The following VWF variants were observed in gnomAD, a reference collection of about 807,000 sequenced individuals.
VWF encodes the protein Factor VIII related antigen.
A neutral mutation model predicts 308.6 loss-of-function variants in VWF; 176 were observed. The observed-to-expected ratio is 0.57, with a 90% CI of 0.50 to 0.65. The LOEUF (loss-of-function observed/expected upper bound fraction) is 0.65. Ranked by LOEUF, VWF falls within the 30% of genes least tolerant of loss-of-function variation. The pLI, the probability that VWF is intolerant of heterozygous loss-of-function variation, is 0.00. For missense variants in VWF, 3,146 were observed against 3,648.2 expected (o/e 0.86, Z 3.55); for synonymous variants, 1,385 against 1,443.4 (o/e 0.96, Z 0.92).
chr12:6,033,827 A>G (rs777110351), intron 20 of VWF, among the ~76,000 whole-genome samples: 21 of 152,142 alleles, frequency 1.4e-4, no homozygotes, highest in Non-Finnish European at 2.4e-4. Flanking sequence ...TGGGGCTCCT[A>G]TGGGTTTGTG....
chr12:6,111,379 C>T (rs12297467), intron 3 of VWF, among the ~76,000 whole-genome samples: 5,282 of 152,206 alleles, frequency 0.035, 304 homozygotes, highest in African/African-American at 0.12. Flanking sequence ...TTCATTCATT[C>T]ATTCACTTAT....
In VWF at chr12:5,982,094, A is replaced by C. The variant is rs71581024; in HGVS notation, c.7082-103T>G. On this transcript the variant is annotated intron_variant, in intron 41 of 51. Coordinates refer to ENST00000261405, the MANE Select transcript of VWF (RefSeq NM_000552.5). Reference sequence around the variant, plus strand: ...AGGGAGCTTTAGACTCAGAAGATTAAGTCAGAAATGTGTGAGGGCCAAGCT... The same window carrying C: ...AGGGAGCTTTAGACTCAGAAGATTACGTCAGAAATGTGTGAGGGCCAAGCT... The C allele has an allele frequency of 1.6e-3, 1,774 of 1,130,986 alleles. 6 individuals are homozygous for C. Among genetic ancestry groups the C allele is most frequent in the South Asian group, 2.6e-3 (194 of 74,910 alleles). The allele number at this position is 1,130,986 out of a possible 1,614,324, so 70.1% of individuals were successfully genotyped here.
intron 5 of VWF, among the ~76,000 whole-genome samples, chr12:6,104,979 A>T (rs1945225298): frequency 6.6e-6 from 1 of 152,196 alleles, no homozygotes; most frequent in African/African-American, 2.4e-5. Context: ...CATTATGTTA[A>T]GTGAAACAAA....
intron 34 of VWF, among the ~76,000 whole-genome samples, chr12:6,002,809 T>C (rs555242737): frequency 2.6e-5 from 4 of 152,098 alleles, no homozygotes; most frequent in Middle Eastern, 3.4e-3. Context: ...GAAAACTTCT[T>C]AAAGCTTTTA....
intron 11 of VWF, 58 bp downstream of exon 11, chr12:6,065,079 G>C: frequency 6.2e-7 from 1 of 1,612,206 alleles, no homozygotes. Context: ...ATTCAGCCTA[G>C]CAGCTATGCA....
At chr12:6,048,866 C>T (rs1358982764) in intron 16 of VWF, among the ~76,000 whole-genome samples, 1 of 152,186 alleles carries the variant, frequency 6.6e-6, no homozygotes, top group Non-Finnish European at 1.5e-5. Context: ...GTGCAGAACC[C>T]GTGCCTTCTT....
At position 6,025,968 on chromosome 12, in the gene VWF, C is replaced by T. The variant is rs1761131257; in HGVS notation, c.3046G>A (p.Glu1016Lys). 1.2e-6 allele frequency: 2 copies of T among 1,614,008 alleles called. No individual in the cohort carries two copies. Among genetic ancestry groups the T allele is most frequent in the Non-Finnish European group, 1.7e-6 (2 of 1,179,882 alleles). ...DLTSSNLQVE[E>K]DPVDFGNSWK... ...GAGTTCCCAAAGTCCACAGGGTCTT[C>T]CTCCACTTGGAGGTTGCTGCTGGTG... Residue 1016 changes from glutamate to lysine, a missense_variant, in exon 23 of 52, where the codon GAA becomes AAA. By Grantham distance (56) the Glu-to-Lys change is moderately conservative (BLOSUM62 1). Around this residue, in one of 3 missense-constraint regions of VWF, gnomAD observed 1,304 missense variants for 1,353.0 expected, o/e 0.96. Coordinates refer to ENST00000261405, the MANE Select transcript of VWF (RefSeq NM_000552.5).
intron 18 of VWF, among the ~76,000 whole-genome samples, chr12:6,043,309 C>A (rs1301029235): frequency 2.0e-5 from 3 of 152,158 alleles, no homozygotes; most frequent in African/African-American, 7.2e-5. Flanking sequence ...GTAATTGAGT[C>A]CACATTCCCT....
At chr12:6,032,573 G>A (rs996892186) in intron 20 of VWF, among the ~76,000 whole-genome samples, 2 of 151,540 alleles carry the variant, frequency 1.3e-5, no homozygotes, top group Non-Finnish European at 2.9e-5. Context: ...AGGAGGCGGA[G>A]CTTGCAGTGA....
At chr12:5,977,577 A>C (rs1313649595) in intron 42 of VWF, among the ~76,000 whole-genome samples, 1 of 152,206 alleles carries the variant, frequency 6.6e-6, no homozygotes, top group Admixed American at 6.5e-5. Context: ...AAAACTAATA[A>C]AAATTATAAA....
chr12:6,044,535 C>A (rs1026093013), intron 17 of VWF, 84 bp from the exon 18 acceptor site: 3 of 1,516,416 alleles, frequency 2.0e-6, no homozygotes, highest in Non-Finnish European at 2.7e-6. Context: ...CCCCTAGAGT[C>A]TGTGACTAAA....
At chr12:6,119,405 C>T (rs573303477) in intron 3 of VWF, among the ~76,000 whole-genome samples, 173 of 152,360 alleles carry the variant, frequency 1.1e-3, no homozygotes, top group African/African-American at 4.0e-3. Flanking sequence ...GCTCCAGCCA[C>T]ACTGACCTCC....
At position 6,019,487 on chromosome 12, in the gene VWF, G is replaced by A. The variant is rs267607337; in HGVS notation, c.3931C>T (p.Gln1311Ter). The A allele has an allele frequency of 2.0e-5, 33 of 1,613,678 alleles. No homozygotes were observed. In the South Asian group the frequency reaches 2.7e-4, roughly 13 times the overall value. Residue 1311 changes from glutamine to a stop codon, truncating the protein, a stop_gained, in exon 28 of 52, where the codon CAG (glutamine) becomes TAG (stop). Transcript: ENST00000261405. LOFTEE classifies it high-confidence loss of function. This position sits in a 1 kb window ranked among gnomAD's most constrained non-coding sequence, Gnocchi z 5.8. The part of the protein sequence containing the change: ...VDMMERLRIS[Q>*]KWVRVAVVEY... ...ACCACGGCCACGCGGACCCACTTCT[G>A]GGAGATGCGCAGCCGCTCCATCATG... is the stretch of plus-strand genomic sequence containing the variant.
In VWF at chr12:6,024,738, C is replaced by G. The variant is rs1462760275; in HGVS notation, c.3222+842G>C. Among the ~76,000 whole-genome samples, 4 of 152,162 alleles carry G rather than the reference C, an allele frequency of 2.6e-5. No individual in the cohort carries two copies. The highest frequency in any genetic ancestry group is 5.9e-5 in the Non-Finnish European group (4 of 68,030). On this transcript the variant is annotated intron_variant, in intron 24 of 51. Transcript: ENST00000261405. This position sits in a 1 kb window ranked among gnomAD's most constrained non-coding sequence, Gnocchi z 4.0. ...ATGCAGCAGATAAGAGACAACTGCA[C>G]TATGGTCGGGCATGGTGGCTCACAC...
chr12:6,109,199 G>T (rs556102696), intron 5 of VWF, among the ~76,000 whole-genome samples: 1 of 151,796 alleles, frequency 6.6e-6, no homozygotes, highest in East Asian at 1.9e-4. Flanking sequence ...GGGCAACTTA[G>T]CAAGACCTTA....
chr12:6,014,453 C>T lies in VWF; in HGVS notation c.5456-808G>A, dbSNP rs753803860. Among the ~76,000 whole-genome samples, 126 of 152,082 alleles carry T rather than the reference C, an allele frequency of 8.3e-4. 4 individuals are homozygous for T. The highest frequency in any genetic ancestry group is 1.3e-4 in the Non-Finnish European group (9 of 68,018). ...GTCCAGGTGAGAGATGATGGGGACT[C>T]GGATTGAGGTGACCCTAGTGGACAT... On this transcript the variant is annotated intron_variant, in intron 31 of 51. Coordinates refer to ENST00000261405, the MANE Select transcript of VWF (RefSeq NM_000552.5).
intron 42 of VWF, among the ~76,000 whole-genome samples, chr12:5,980,148 AG>A: frequency 1.4e-5 from 1 of 71,508 alleles, no homozygotes; most frequent in African/African-American, 5.1e-5. Context: ...GAAAGGAGTG[AG>A]GGAGGGAGTG....
intron 34 of VWF, among the ~76,000 whole-genome samples, 185 bp from the exon 35 acceptor site, chr12:5,996,407 G>C (rs1170714389): frequency 6.6e-6 from 1 of 152,088 alleles, no homozygotes; most frequent in Non-Finnish European, 1.5e-5. Flanking sequence ...GGCTCTGAGA[G>C]GTAGAGAGGT....
chr12:6,013,434 T>C (rs1471726668), intron 32 of VWF, 47 bp downstream of exon 32: 1 of 1,610,982 alleles, frequency 6.2e-7, no homozygotes, highest in African/African-American at 1.4e-5. Flanking sequence ...CGGGTTTATT[T>C]TGGAACTTTT....
Sources: gnomAD v4.1 joint callset for allele counts (sites outside exome capture counted in the v4.1 genomes callset) on GRCh38, gnomAD v4.1.1 for gene constraint, gnomAD v4.1.1 regional missense constraint, Gnocchi (gnomAD v3.1) non-coding constraint, MANE v1.5 for transcripts, NCBI Gene and HGNC (gene_info 2026-07-23, HGNC 2026-07-21) for gene names.